OPCML: variants seen among roughly 807,000 people sequenced by gnomAD.
OPCML encodes opioid binding protein/cell adhesion molecule like, also known as opioid-binding protein/cell adhesion molecule.
Under a neutral mutation model 37.8 loss-of-function variants are expected in OPCML, and 13 were observed. The ratio of observed to expected loss-of-function variants is 0.34; its 90% CI spans 0.22 to 0.55. The LOEUF (loss-of-function observed/expected upper bound fraction) is 0.55. Among genes scored for constraint, OPCML ranks in the 20% least tolerant of loss-of-function variants. OPCML has a pLI of 0.91. For missense variants in OPCML, 341 were observed against 435.6 expected (o/e 0.78, Z 1.93); for synonymous variants, 176 against 168.8 (o/e 1.04, Z -0.33).
intron 1 of OPCML, among the ~76,000 whole-genome samples, chr11:133,044,092 G>A (rs148026033): frequency 6.6e-6 from 1 of 152,154 alleles, no homozygotes; most frequent in East Asian, 1.9e-4. Flanking sequence ...GATCAGGAAA[G>A]CCTTCCACAA....
chr11:132,717,886 G>A (rs979029890), intron 2 of OPCML, among the ~76,000 whole-genome samples: 1 of 152,230 alleles, frequency 6.6e-6, no homozygotes, highest in Admixed American at 6.5e-5. Context: ...GGCAAGGACA[G>A]CATTCGCTAG....
chr11:133,314,775 C>A (rs745719920), intron 1 of OPCML, among the ~76,000 whole-genome samples: 28 of 152,184 alleles, frequency 1.8e-4, no homozygotes, highest in Admixed American at 4.6e-4. Context: ...GGCTCCCAAG[C>A]AATGGACATT....
chr11:133,444,506 C>T (rs1445489249), intron 1 of OPCML, among the ~76,000 whole-genome samples: 1 of 151,982 alleles, frequency 6.6e-6, no homozygotes, highest in Non-Finnish European at 1.5e-5. Context: ...AAGAAGATTG[C>T]TAAATCAAAT....
intron 3 of OPCML, among the ~76,000 whole-genome samples, chr11:132,570,865 T>G (rs1435346162): frequency 6.9e-6 from 1 of 145,756 alleles, no homozygotes; most frequent in East Asian, 2.1e-4. Flanking sequence ...CCATTTTCCC[T>G]TCTCTTACAT....
chr11:133,140,793 A>C (rs796756378), intron 1 of OPCML, among the ~76,000 whole-genome samples: 8 of 96,068 alleles, frequency 8.3e-5, no homozygotes, highest in African/African-American at 2.5e-4. Context: ...ACGACGAAGA[A>C]GAAGAAGAAG....
intron 1 of OPCML, among the ~76,000 whole-genome samples, chr11:133,043,101 C>T (rs541155556): frequency 2.1e-4 from 32 of 152,116 alleles, no homozygotes; most frequent in South Asian, 4.1e-4. Context: ...GCAGCCAGGT[C>T]GGCTCAAGCA....
At chr11:132,734,840 G>A (rs1411550246) in intron 2 of OPCML, among the ~76,000 whole-genome samples, 1 of 152,134 alleles carries the variant, frequency 6.6e-6, no homozygotes, top group East Asian at 1.9e-4. Context: ...TAAAGAGACT[G>A]GTAGCATAAG....
At chr11:133,419,262 G>T in intron 1 of OPCML, 1 of 985,386 alleles carries the variant, frequency 1.0e-6, no homozygotes, top group Non-Finnish European at 1.2e-6. Context: ...TATGAGTTTG[G>T]TTTTGAACAT....
At chr11:133,163,761 TTTA>T (rs1950174542) in intron 1 of OPCML, among the ~76,000 whole-genome samples, 1 of 152,232 alleles carries the variant, frequency 6.6e-6, no homozygotes, top group Non-Finnish European at 1.5e-5. Context: ...TCCTGTCTCC[TTTA>T]ATTCCGCTAT....
chr11:132,771,853 T>G (rs773997124), intron 2 of OPCML: 1 of 152,208 alleles, frequency 6.6e-6, no homozygotes, highest in Non-Finnish European at 1.5e-5. Flanking sequence ...AAAAAAAGTG[T>G]TACATCTCAT....
chr11:133,340,604 CTCTCTGTG>C (rs1255869443), intron 1 of OPCML, among the ~76,000 whole-genome samples: 86 of 106,080 alleles, frequency 8.1e-4, no homozygotes, highest in African/African-American at 3.7e-3. Context: ...AATTAAGACT[CTCTCTGTG>C]TGTGTGTGTG....
At chr11:133,053,872 C>A (rs986494158) in intron 1 of OPCML, among the ~76,000 whole-genome samples, 9 of 152,164 alleles carry the variant, frequency 5.9e-5, no homozygotes, top group African/African-American at 2.2e-4. Context: ...ATCCACATGG[C>A]AACTTCACTT....
chr11:132,997,364 C>T (rs1946907047), intron 1 of OPCML, among the ~76,000 whole-genome samples: 1 of 152,170 alleles, frequency 6.6e-6, no homozygotes, highest in Admixed American at 6.5e-5. Flanking sequence ...TGTTCCCTTC[C>T]CATGTAGATC....
chr11:132,849,695 G>A (rs1015683614), intron 2 of OPCML, among the ~76,000 whole-genome samples: 9 of 152,186 alleles, frequency 5.9e-5, no homozygotes, highest in African/African-American at 2.2e-4. Flanking sequence ...TCAGCAGAGG[G>A]ACCAGTAAGT....
intron 1 of OPCML, among the ~76,000 whole-genome samples, chr11:133,457,684 A>G (rs1372057904): frequency 6.6e-6 from 1 of 152,008 alleles, no homozygotes; most frequent in African/African-American, 2.4e-5. Flanking sequence ...CTCACTCTGT[A>G]TTATAATTCT....
intron 1 of OPCML, among the ~76,000 whole-genome samples, chr11:133,185,528 G>A (rs1161532721): frequency 1.3e-5 from 2 of 152,190 alleles, no homozygotes; most frequent in African/African-American, 2.4e-5. Flanking sequence ...GGGGTTCGGA[G>A]GGTGAAGAAC....
At chr11:132,723,132 A>G (rs954215599) in intron 2 of OPCML, among the ~76,000 whole-genome samples, 2 of 152,226 alleles carry the variant, frequency 1.3e-5, no homozygotes, top group African/African-American at 2.4e-5. Context: ...ACAAAGGGCC[A>G]TGTGATTAGG....
At chr11:132,629,925 CTAAG>C (rs749392576) in intron 3 of OPCML, among the ~76,000 whole-genome samples, 3 of 152,042 alleles carry the variant, frequency 2.0e-5, no homozygotes, top group Non-Finnish European at 2.9e-5. Context: ...AATTGTTAAC[CTAAG>C]TATGTTCATA....
intron 4 of OPCML, among the ~76,000 whole-genome samples, chr11:132,515,301 A>G (rs1939968): frequency 0.21 from 31,771 of 152,054 alleles, 3,413 homozygotes; most frequent in Non-Finnish European, 0.23. Context: ...AGGGGACAGG[A>G]AAGGAAAAAC....
Sources: gnomAD v4.1 joint callset for allele counts (sites outside exome capture counted in the v4.1 genomes callset) on GRCh38, gnomAD v4.1.1 for gene constraint, MANE v1.5 for transcripts, NCBI Gene and HGNC (gene_info 2026-07-23, HGNC 2026-07-21) for gene names.